Variants in DGKI observed in about 807,000 individuals in gnomAD.
DGKI encodes DAG kinase iota.
In DGKI, 55 loss-of-function variants were observed where a neutral mutation model predicts 147.5. The observed-to-expected ratio is 0.37, with a 90% CI of 0.30 to 0.47. The LOEUF is 0.47. Ranked by LOEUF, DGKI falls within the 20% of genes least tolerant of loss-of-function variation. The probability of loss-of-function intolerance (pLI) is 1.00; values close to 1 mark genes in which losing one functional copy is unlikely to be tolerated. For missense variants in DGKI, 1,007 were observed against 1,323.8 expected (o/e 0.76, Z 3.71); for synonymous variants, 469 against 477.1 (o/e 0.98, Z 0.22).
At chr7:137,601,807 G>A (rs1820000459) in intron 10 of DGKI, among the ~76,000 whole-genome samples, 1 of 152,154 alleles carries the variant, frequency 6.6e-6, no homozygotes, top group African/African-American at 2.4e-5. Flanking sequence ...TACTCCTGTT[G>A]TTACATAGGC....
At chr7:137,688,158 A>T (rs1027445447) in intron 2 of DGKI, among the ~76,000 whole-genome samples, 1 of 152,194 alleles carries the variant, frequency 6.6e-6, no homozygotes, top group Non-Finnish European at 1.5e-5. Context: ...CATTCCAGTG[A>T]CGTCCTCATT....
intron 3 of DGKI, among the ~76,000 whole-genome samples, chr7:137,657,575 G>A (rs188879944): frequency 1.1e-4 from 16 of 152,300 alleles, no homozygotes; most frequent in African/African-American, 3.8e-4. Context: ...AGGAGGATTT[G>A]TATGAATAAT....
rs1424004582 is a variant in DGKI at position 137,467,054 on chromosome 7, G to C, written c.2444-112C>G. ...AAACCCCTACATGGCAGTCATGCTA[G>C]TCTCCTGGCCAGTCCCTAAATCTAT... On this transcript the variant is annotated intron_variant, in intron 24 of 32. Coordinates refer to ENST00000614521, the MANE Select transcript of DGKI (RefSeq NM_001321708.2). The C allele has an allele frequency of 1.6e-5, 16 of 979,840 alleles. No individual in the cohort carries two copies. The Admixed American group carries it at 2.5e-4, about 16-fold the overall frequency. 60.7% of individuals were successfully genotyped at this position (979,840 alleles called of 1,614,324 possible).
intron 1 of DGKI, among the ~76,000 whole-genome samples, chr7:137,778,361 A>G (rs188445816): frequency 1.4e-3 from 211 of 152,278 alleles, no homozygotes; most frequent in Admixed American, 2.7e-3. Flanking sequence ...GGAGGAATCT[A>G]AAAAAGGAAG....
intron 1 of DGKI, among the ~76,000 whole-genome samples, chr7:137,693,342 C>T (rs556687189): frequency 6.6e-6 from 1 of 152,264 alleles, no homozygotes; most frequent in South Asian, 2.1e-4. Context: ...ATGATTCTTT[C>T]TATTAATTTC....
At position 137,649,773 on chromosome 7, in the gene DGKI, G is replaced by GTA. The variant is rs146209874; in HGVS notation, c.739-4238_739-4237dup. Among the ~76,000 whole-genome samples the GTA allele has an allele frequency of 7.3e-3, 1,034 of 142,002 alleles. 3 individuals carry two copies. Among genetic ancestry groups the GTA allele is most frequent in the South Asian group, 0.015 (69 of 4,476 alleles). The allele number at this position is 142,002 out of a possible 152,430, so 93.2% of individuals were successfully genotyped here. The stretch of plus-strand genomic sequence containing the variant: ...GAAATAAAAAATTTTATATATATAT[G>GTA]TATATATATATATATATATTTCATA... On this transcript the variant is annotated intron_variant, in intron 5 of 32. Transcript: ENST00000614521.
At chr7:137,395,755 G>T in intron 31 of DGKI, 58 bp from the exon 32 acceptor site, 2 of 1,525,340 alleles carry the variant, frequency 1.3e-6, no homozygotes, top group South Asian at 1.1e-5. Flanking sequence ...AGCAGGGAAT[G>T]GGTGAGGGGA....
At chr7:137,770,275 A>G (rs1796143852) in intron 1 of DGKI, among the ~76,000 whole-genome samples, 1 of 148,200 alleles carries the variant, frequency 6.7e-6, no homozygotes. Context: ...ATGAGAACAC[A>G]TGGACACAGG....
intron 1 of DGKI, among the ~76,000 whole-genome samples, chr7:137,742,647 T>C (rs1200860659): frequency 6.6e-6 from 1 of 152,054 alleles, no homozygotes; most frequent in Non-Finnish European, 1.5e-5. Flanking sequence ...CACACACTTA[T>C]GAGAATGAAA....
At position 137,390,655 on chromosome 7, in the gene DGKI, G is replaced by C. The variant is rs1233843072; in HGVS notation, c.*565C>G. The C allele has an allele frequency of 2.0e-5, 3 of 153,748 alleles. No homozygotes were observed. Among genetic ancestry groups the C allele is most frequent in the East Asian group, 1.9e-4 (1 of 5,210 alleles). The allele number at this position is 153,748 out of a possible 1,614,324, so 9.5% of individuals were successfully genotyped here. On this transcript the variant is annotated 3_prime_UTR_variant, in exon 33 of 33. Coordinates refer to ENST00000614521, the MANE Select transcript of DGKI (RefSeq NM_001321708.2). ...GGCGGGTGAGGGGGACATGCAGAGA[G>C]AGTCACTAAATAGTCTTGATATATT...
At chr7:137,833,274 T>G (rs1308360573) in intron 1 of DGKI, among the ~76,000 whole-genome samples, 2 of 152,144 alleles carry the variant, frequency 1.3e-5, no homozygotes, top group Non-Finnish European at 2.9e-5. Context: ...ACTGGGCAAT[T>G]TACAGAAGAG....
At chr7:137,643,742 C>G (rs1282721618) in intron 6 of DGKI, among the ~76,000 whole-genome samples, 2 of 152,150 alleles carry the variant, frequency 1.3e-5, no homozygotes, top group Admixed American at 6.5e-5. Context: ...GTTCAGTTGA[C>G]CATGCCAACA....
chr7:137,527,399 G>A (rs377090010), intron 20 of DGKI, among the ~76,000 whole-genome samples: 5 of 152,088 alleles, frequency 3.3e-5, no homozygotes, highest in African/African-American at 7.2e-5. Flanking sequence ...ATGGGCATCC[G>A]TCAACATCAG....
intron 24 of DGKI, among the ~76,000 whole-genome samples, chr7:137,469,135 C>T (rs1162334835): frequency 1.3e-5 from 2 of 152,162 alleles, no homozygotes; most frequent in African/African-American, 4.8e-5. Flanking sequence ...GAAATGTATA[C>T]ATCATACTGC....
At chr7:137,399,952 T>C (rs910571104) in intron 30 of DGKI, among the ~76,000 whole-genome samples, 4 of 151,614 alleles carry the variant, frequency 2.6e-5, no homozygotes, top group South Asian at 2.1e-4. Flanking sequence ...TCAATACACA[T>C]AGTGTGCTTA....
At position 137,596,779 on chromosome 7, in the gene DGKI, T is replaced by C. The variant is rs557378218; in HGVS notation, c.1311+1068A>G. ...TTCTATTTCATTCTCATTGCATTTA[T>C]TGGTATATAATGTGTATCCAACCCT... On this transcript the variant is annotated intron_variant, in intron 12 of 32. Coordinates refer to ENST00000614521, the MANE Select transcript of DGKI (RefSeq NM_001321708.2). 3.9e-5 allele frequency among the ~76,000 whole-genome samples: 6 copies of C among 152,346 alleles called. No homozygotes were observed. The East Asian group carries it at 1.2e-3, about 29-fold the overall frequency.
chr7:137,392,149 A>G (rs1811388821), intron 32 of DGKI, among the ~76,000 whole-genome samples: 2 of 152,214 alleles, frequency 1.3e-5, no homozygotes, highest in African/African-American at 4.8e-5. Context: ...AATTTTTTAC[A>G]TCAACATGTT....
chr7:137,594,238 T>C (rs1819713187), intron 12 of DGKI, among the ~76,000 whole-genome samples: 1 of 152,122 alleles, frequency 6.6e-6, no homozygotes. Flanking sequence ...ATAGAGATGG[T>C]GTTTCATCAG....
intron 1 of DGKI, 31 bp from the exon 2 acceptor site, chr7:137,690,033 C>A: frequency 6.4e-7 from 1 of 1,550,660 alleles, no homozygotes; most frequent in Admixed American, 2.0e-5. Flanking sequence ...AAAACAAAAA[C>A]AAAGAAAAAC....
Sources: gnomAD v4.1 joint callset for allele counts (sites outside exome capture counted in the v4.1 genomes callset) on GRCh38, gnomAD v4.1.1 for gene constraint, MANE v1.5 for transcripts, NCBI Gene and HGNC (gene_info 2026-07-23, HGNC 2026-07-21) for gene names.